The following ABCC1 variants were observed in gnomAD, a reference collection of about 807,000 sequenced individuals.
ABCC1 encodes the protein ATP binding cassette subfamily C member 1 (ABCC1 blood group), also known as multidrug resistance-associated protein 1.
A neutral mutation model predicts 172.9 loss-of-function variants in ABCC1; 83 were observed. The ratio of observed to expected loss-of-function variants is 0.48; its 90% CI spans 0.40 to 0.58. The LOEUF is 0.58. Ranked by LOEUF, ABCC1 falls within the 20% of genes least tolerant of loss-of-function variation. The pLI, the probability that ABCC1 is intolerant of heterozygous loss-of-function variation, is 0.00. For synonymous variants in ABCC1, 937 were observed against 825.2 expected (o/e 1.14, Z -2.32); for missense variants, 1,817 against 2,002.7 (o/e 0.91, Z 1.77).
intron 24 of ABCC1, 26 bp downstream of exon 24, chr16:16,122,200 G>C: frequency 1.9e-6 from 3 of 1,612,360 alleles, no homozygotes; most frequent in Non-Finnish European, 2.5e-6. Context: ...CTGCAGGAGC[G>C]GGTGGAGGAG....
chr16:16,114,795 G>T lies in ABCC1; in HGVS notation c.3109G>T (p.Val1037Leu). Residue 1037 changes from valine to leucine, a missense_variant, in exon 23 of 31, where the codon GTG (valine) becomes TTG (leucine). Around this residue, in one of 3 missense-constraint regions of ABCC1, gnomAD observed 1,412 missense variants for 1,600.3 expected, o/e 0.88. Coordinates refer to ENST00000399410, the MANE Select transcript of ABCC1 (RefSeq NM_004996.4). Reference protein sequence around the residue: ...GIAVFGYSMAVSIGGILASRC... With the variant: ...GIAVFGYSMALSIGGILASRC... Reference sequence around the variant, plus strand: ...CGCCGTGTTTGGCTACTCCATGGCCGTGTCCATCGGGGGGATCTTGGCTTC... The same window carrying T: ...CGCCGTGTTTGGCTACTCCATGGCCTTGTCCATCGGGGGGATCTTGGCTTC... The T allele has an allele frequency of 1.2e-6, 2 of 1,605,662 alleles. No individual in the cohort carries two copies. Among genetic ancestry groups the T allele is most frequent in the Non-Finnish European group, 1.7e-6 (2 of 1,172,918 alleles).
intron 1 of ABCC1, among the ~76,000 whole-genome samples, chr16:15,961,178 GT>G (rs1428191689): frequency 6.6e-6 from 1 of 151,950 alleles, no homozygotes; most frequent in Non-Finnish European, 1.5e-5. Context: ...AGTTTATTTT[GT>G]TTTATGAGTC....
intron 20 of ABCC1, among the ~76,000 whole-genome samples, chr16:16,105,146 G>GAGC (rs2052019957): frequency 6.6e-6 from 1 of 152,252 alleles, no homozygotes; most frequent in Admixed American, 6.5e-5. Flanking sequence ...GAGGCACAGA[G>GAGC]AGCGAGCGAG....
chr16:16,010,761 C>T (rs2047746538), intron 3 of ABCC1, among the ~76,000 whole-genome samples: 1 of 152,160 alleles, frequency 6.6e-6, no homozygotes, highest in African/African-American at 2.4e-5. Flanking sequence ...GCTTTGTTCC[C>T]ATCTTACAGG....
rs902679444 is a variant in ABCC1, at chr16:16,124,650, G to A, written c.3591-139G>A. 19 of 1,254,816 alleles carry A rather than the reference G, an allele frequency of 1.5e-5. No individual in the cohort carries two copies. The African/African-American group carries it at 2.5e-4, about 17-fold the overall frequency. 77.7% of individuals were successfully genotyped at this position (1,254,816 alleles called of 1,614,324 possible). Reference sequence around the variant, plus strand: ...ATTGTGCATGTTTTGAAAAAGCAGTGCCAGGAAGGACTCTCTCTGGAATTA... The same window carrying A: ...ATTGTGCATGTTTTGAAAAAGCAGTACCAGGAAGGACTCTCTCTGGAATTA... On this transcript the variant is annotated intron_variant, in intron 24 of 30. Transcript: ENST00000399410.
At chr16:16,055,989 T>A in intron 11 of ABCC1, 103 bp from the exon 12 acceptor site, 1 of 1,010,402 alleles carries the variant, frequency 9.9e-7, no homozygotes, top group Non-Finnish European at 1.4e-6. Context: ...CATTTACATG[T>A]CAAAGTATAT....
rs923893655 is a variant in ABCC1, at chr16:16,083,578, C to G, written c.2292+36C>G. On this transcript the variant is annotated intron_variant, in intron 17 of 30. Transcript: ENST00000399410. Reference sequence around the variant, plus strand: ...GTTGGATGTTGGCCCCTGAATCAGTCAGCTGTTGCCGCGTAACAAATGCTC... The same window carrying G: ...GTTGGATGTTGGCCCCTGAATCAGTGAGCTGTTGCCGCGTAACAAATGCTC... 4 of 1,589,390 alleles carry G rather than the reference C, an allele frequency of 2.5e-6. No homozygotes were observed. In the African/African-American group the frequency reaches 5.4e-5, roughly 21 times the overall value.
Position 16,111,391 on chromosome 16 carries a change from A to T in ABCC1, c.2888A>T (p.Tyr963Phe), listed in dbSNP as rs2052382994. Residue 963 changes from tyrosine to phenylalanine, a missense_variant, in exon 22 of 31, where the codon TAC becomes TTC. By Grantham distance (22) the Tyr-to-Phe change is conservative. Around this residue, in one of 3 missense-constraint regions of ABCC1, gnomAD observed 1,412 missense variants for 1,600.3 expected, o/e 0.88. Coordinates refer to ENST00000399410, the MANE Select transcript of ABCC1 (RefSeq NM_004996.4). ...GATCTCCAGGTCAAGCTTTCCGTGT[A>T]CTGGGACTACATGAAGGCCATCGGA... ...AQTGQVKLSV[Y>F]WDYMKAIGLF... The T allele has an allele frequency of 1.2e-6, 2 of 1,613,960 alleles. No homozygotes were observed. The highest frequency in any genetic ancestry group is 1.7e-6 in the Non-Finnish European group (2 of 1,180,004).
intron 1 of ABCC1, among the ~76,000 whole-genome samples, chr16:16,006,166 G>A (rs542852336): frequency 0.017 from 2,604 of 152,202 alleles, 31 homozygotes; most frequent in Middle Eastern, 0.082. Context: ...TTATCCGATT[G>A]AATTGTGGTG....
At position 16,107,901 on chromosome 16, in the gene ABCC1, A is replaced by C. The variant is rs1183824159; in HGVS notation, c.2871+1028A>C. Among the ~76,000 whole-genome samples, 8 of 151,816 alleles carry C rather than the reference A, an allele frequency of 5.3e-5. No homozygotes were observed. In the East Asian group the frequency reaches 5.8e-4, roughly 11 times the overall value. On this transcript the variant is annotated intron_variant, in intron 21 of 30. Transcript: ENST00000399410. The stretch of plus-strand genomic sequence containing the variant: ...CAGATAAAGAAAAACAAAAAAAAAA[A>C]CATGAAAGGTGGTAGCCGGGGAGTG...
chr16:16,124,758 C>T (rs886393813), intron 24 of ABCC1, 31 bp from the exon 25 acceptor site: 4 of 1,613,618 alleles, frequency 2.5e-6, no homozygotes, highest in Non-Finnish European at 3.4e-6. Context: ...TGACTCCATG[C>T]CTGTTTGTCT....
intron 9 of ABCC1, 91 bp downstream of exon 9, chr16:16,046,104 A>T: frequency 7.0e-7 from 1 of 1,431,968 alleles, no homozygotes; most frequent in Non-Finnish European, 9.5e-7. Flanking sequence ...GGGGATTTCC[A>T]GCCCAGCTTC....
At chr16:16,080,063 T>A (rs2050749509) in intron 16 of ABCC1, among the ~76,000 whole-genome samples, 1 of 152,156 alleles carries the variant, frequency 6.6e-6, no homozygotes, top group African/African-American at 2.4e-5. Flanking sequence ...TCTGCACACC[T>A]CTGTCTCCCA....
intron 1 of ABCC1, among the ~76,000 whole-genome samples, chr16:15,955,552 C>T (rs1225087688): frequency 6.6e-6 from 1 of 152,152 alleles, no homozygotes; most frequent in East Asian, 1.9e-4. Flanking sequence ...TCTTCTCTGG[C>T]TGCTTTCTGT....
At chr16:16,093,934 G>C (rs765448890) in intron 19 of ABCC1, among the ~76,000 whole-genome samples, 1 of 144,194 alleles carries the variant, frequency 6.9e-6, no homozygotes, top group Non-Finnish European at 1.5e-5. Flanking sequence ...TCAGTTTACT[G>C]ATTTCTAAGA....
At chr16:16,141,071 G>A in intron 30 of ABCC1, 102 bp from the exon 31 acceptor site, 3 of 948,000 alleles carry the variant, frequency 3.2e-6, no homozygotes, top group East Asian at 4.8e-5. Context: ...AAAAGTGTTA[G>A]GGGCCTGACC....
intron 1 of ABCC1, among the ~76,000 whole-genome samples, chr16:15,954,305 C>G (rs895241134): frequency 6.6e-6 from 1 of 152,102 alleles, no homozygotes; most frequent in Non-Finnish European, 1.5e-5. Flanking sequence ...TTGGGGATTG[C>G]AAGCGTGAGC....
At chr16:16,021,209 A>C (rs1235791061) in intron 5 of ABCC1, among the ~76,000 whole-genome samples, 1 of 152,158 alleles carries the variant, frequency 6.6e-6, no homozygotes, top group African/African-American at 2.4e-5. Flanking sequence ...CATCAGATTA[A>C]GCTGCTTCTC....
chr16:16,119,159 G>A (rs573241000), intron 23 of ABCC1, among the ~76,000 whole-genome samples: 53 of 152,290 alleles, frequency 3.5e-4, no homozygotes, highest in African/African-American at 1.2e-3. Flanking sequence ...TATGAAGTTC[G>A]GTCGGGTGCA....
Sources: allele counts gnomAD v4.1 joint callset (sites outside exome capture counted in the v4.1 genomes callset), GRCh38; gene constraint gnomAD v4.1.1; regional missense constraint gnomAD v4.1.1; transcripts MANE v1.5; gene names NCBI Gene and HGNC (gene_info 2026-07-23, HGNC 2026-07-21).